The following MYT1L variants were observed in gnomAD, a reference collection of about 807,000 sequenced individuals.
MYT1L encodes the protein myelin transcription factor 1 like, also known as myelin transcription factor 1-like protein.
In MYT1L, 12 loss-of-function variants were observed where a neutral mutation model predicts 126.7. The observed-to-expected ratio is 0.09, with a 90% CI of 0.06 to 0.15. The LOEUF (loss-of-function observed/expected upper bound fraction) is 0.15, where lower values mean the gene tolerates loss of function less well. MYT1L is among the 10% of genes least tolerant of loss of function. The pLI is 1.00. For missense variants in MYT1L, 979 were observed against 1,585.2 expected (o/e 0.62, Z 6.49); for synonymous variants, 541 against 604.2 (o/e 0.90, Z 1.53).
intron 1 of MYT1L, among the ~76,000 whole-genome samples, chr2:2,301,198 A>G (rs968232155): frequency 3.3e-5 from 5 of 150,754 alleles, no homozygotes; most frequent in African/African-American, 1.2e-4. Context: ...TCAGTGTTTC[A>G]CCCTCCCCTA....
intron 18 of MYT1L, among the ~76,000 whole-genome samples, chr2:1,866,121 G>A (rs922409245): frequency 6.6e-6 from 1 of 152,184 alleles, no homozygotes; most frequent in African/African-American, 2.4e-5. Flanking sequence ...TCCAGGAGGC[G>A]GCCTGGAGAT....
In MYT1L at chr2:1,996,979, G is replaced by A. The variant is rs544112661; in HGVS notation, c.-1+212C>T. 5.7e-4 allele frequency among the ~76,000 whole-genome samples: 80 copies of A among 140,612 alleles called. 2 individuals carry two copies. The South Asian group carries it at 0.01, about 18-fold the overall frequency. 92.2% of individuals were successfully genotyped at this position (140,612 alleles called of 152,430 possible). Reference sequence around the variant, plus strand: ...GGGCTGCACAGAACCGAGTGTAGACGGGCCGCCTTTACCTAGTGAGGGCCG... The same window carrying A: ...GGGCTGCACAGAACCGAGTGTAGACAGGCCGCCTTTACCTAGTGAGGGCCG... On this transcript the variant is annotated intron_variant, in intron 5 of 24. Transcript: ENST00000647738.
chr2:2,240,608 C>T (rs916172571), intron 2 of MYT1L, among the ~76,000 whole-genome samples: 2 of 152,058 alleles, frequency 1.3e-5, no homozygotes, highest in Non-Finnish European at 2.9e-5. Context: ...CTAAAGCAAA[C>T]GAGAAAACGA....
At chr2:2,291,726 C>T (rs2095603102) in intron 1 of MYT1L, among the ~76,000 whole-genome samples, 2 of 152,230 alleles carry the variant, frequency 1.3e-5, no homozygotes, top group African/African-American at 2.4e-5. Context: ...TCCCTTGCCA[C>T]GTGCAGGCGC....
chr2:2,253,720 AGGAGGGCAAGTCGGAAACAGGAAGCG>A, intron 2 of MYT1L, among the ~76,000 whole-genome samples: 1 of 151,924 alleles, frequency 6.6e-6, no homozygotes, highest in African/African-American at 2.4e-5. Context: ...GAAGCGGGGC[AGGAGGGCAAGTCGGAAACAGGAAGCG>A]GGGCAGGAGG....
rs998288732 is a variant in MYT1L, at chr2:2,175,900, G to A, written c.-420-2912C>T. On this transcript the variant is annotated intron_variant, in intron 2 of 24. Coordinates refer to ENST00000647738, the MANE Select transcript of MYT1L (RefSeq NM_001303052.2). ...AGCTCATCTCTACTGACTAACAGCC[G>A]TAGGAGCTCCTTGCTCGGGGGCTGG... Among the ~76,000 whole-genome samples, 60 of 152,342 alleles carry A rather than the reference G, an allele frequency of 3.9e-4. 1 individual carries two copies. The highest frequency in any genetic ancestry group is 1.3e-3 in the African/African-American group (52 of 41,570).
chr2:2,049,660 G>C (rs1041425848), intron 4 of MYT1L, among the ~76,000 whole-genome samples: 2 of 152,110 alleles, frequency 1.3e-5, no homozygotes, highest in African/African-American at 4.8e-5. Context: ...GTTGTGGGAG[G>C]GACCAGTGGG....
chr2:2,005,960 G>T (rs914710938), intron 4 of MYT1L, among the ~76,000 whole-genome samples: 1 of 144,474 alleles, frequency 6.9e-6, no homozygotes, highest in African/African-American at 2.6e-5. Flanking sequence ...TCCTGAATGC[G>T]TTCTTTCCTG....
intron 3 of MYT1L, among the ~76,000 whole-genome samples, chr2:2,065,162 C>T (rs1000669892): frequency 1.3e-5 from 2 of 152,200 alleles, no homozygotes; most frequent in South Asian, 2.1e-4. Flanking sequence ...AGTGCCACTG[C>T]ACTCCAGCCT....
At chr2:1,964,495 C>T (rs538027591) in intron 8 of MYT1L, among the ~76,000 whole-genome samples, 52 of 152,264 alleles carry the variant, frequency 3.4e-4, no homozygotes, top group African/African-American at 1.2e-3. Context: ...AATAAAGCAA[C>T]GTGCAATAAA....
chr2:2,094,831 T>C, intron 3 of MYT1L, among the ~76,000 whole-genome samples: 1 of 151,696 alleles, frequency 6.6e-6, no homozygotes, highest in Non-Finnish European at 1.5e-5. Flanking sequence ...AAATGATGAG[T>C]TAATGGGTGT....
rs1652139231 is a variant in MYT1L at position 2,003,483 on chromosome 2, C to T, written c.-157-6136G>A. On this transcript the variant is annotated intron_variant, in intron 4 of 24. Coordinates refer to ENST00000647738, the MANE Select transcript of MYT1L (RefSeq NM_001303052.2). ...CCTCCCAGTGCCTCTCAACAGAGCT[C>T]TTCTCTCCCTCCTGCTGTGTGGCTT... 1.3e-5 allele frequency among the ~76,000 whole-genome samples: 2 copies of T among 152,188 alleles called. 1 individual carries two copies. The highest frequency in any genetic ancestry group is 4.1e-4 in the South Asian group (2 of 4,828).
chr2:2,279,576 G>GGAATGAATGAAT (rs2095418730), intron 2 of MYT1L, among the ~76,000 whole-genome samples: 1 of 138,914 alleles, frequency 7.2e-6, no homozygotes, highest in African/African-American at 2.8e-5. Flanking sequence ...AATGAAGGAA[G>GGAATGAATGAAT]GAAGGAAGGA....
At position 1,922,677 on chromosome 2, in the gene MYT1L, T is replaced by A; in HGVS notation, c.1092A>T (p.Glu364Asp). 2.5e-6 allele frequency: 4 copies of A among 1,613,866 alleles called. No individual in the cohort carries two copies. The highest frequency in any genetic ancestry group is 2.5e-6 in the Non-Finnish European group (3 of 1,179,836). ...NMNIRQHVRPEEDFPGRTPDR... is the reference protein window; with the variant it reads ...NMNIRQHVRPDEDFPGRTPDR... ...CCGGCGTCCTTCCGGGGAAGTCCTCTTCTGGCCGGACATGCTGACGGATGT... is the reference window on the plus strand; with the variant it reads ...CCGGCGTCCTTCCGGGGAAGTCCTCATCTGGCCGGACATGCTGACGGATGT... Residue 364 changes from glutamate (E) to aspartate (D), a missense_variant, in exon 10 of 25, where the codon GAA becomes GAT. Around this residue, in one of 12 missense-constraint regions of MYT1L, gnomAD observed 243 missense variants for 363.9 expected, o/e 0.67. Coordinates refer to ENST00000647738, the MANE Select transcript of MYT1L (RefSeq NM_001303052.2). The surrounding 1 kb of genome is among the most constrained non-coding windows in gnomAD (Gnocchi z 7.4).
chr2:2,007,434 A>C (rs183568351), intron 4 of MYT1L, among the ~76,000 whole-genome samples: 1 of 152,340 alleles, frequency 6.6e-6, no homozygotes, highest in African/African-American at 2.4e-5. Context: ...AACAAAACAG[A>C]ATTACAGAAA....
intron 2 of MYT1L, among the ~76,000 whole-genome samples, chr2:2,217,389 G>C (rs2093705994): frequency 6.6e-6 from 1 of 152,112 alleles, no homozygotes. Context: ...AAATTAAAAA[G>C]AAAGAAAATC....
intron 4 of MYT1L, among the ~76,000 whole-genome samples, chr2:2,039,740 C>A (rs1042946697): frequency 2.6e-5 from 4 of 152,208 alleles, no homozygotes; most frequent in African/African-American, 9.7e-5. Context: ...CTCACACAGG[C>A]ATGCCTGCAT....
chr2:2,304,773 T>C (rs1573390499), intron 1 of MYT1L, among the ~76,000 whole-genome samples: 1 of 152,352 alleles, frequency 6.6e-6, no homozygotes, highest in South Asian at 2.1e-4. Context: ...TTGCCAACCC[T>C]GGAAAATGCA....
chr2:2,316,575 A>T (rs553971278), intron 1 of MYT1L, among the ~76,000 whole-genome samples: 56 of 152,328 alleles, frequency 3.7e-4, no homozygotes, highest in Admixed American at 7.2e-4. Flanking sequence ...TGTAGTCACC[A>T]GGGTGGTTCG....
Sources: allele counts gnomAD v4.1 joint callset (sites outside exome capture counted in the v4.1 genomes callset), GRCh38; gene constraint gnomAD v4.1.1; regional missense constraint gnomAD v4.1.1; non-coding constraint Gnocchi (gnomAD v3.1); transcripts MANE v1.5; gene names NCBI Gene and HGNC (gene_info 2026-07-23, HGNC 2026-07-21).